The following CNTNAP2 variants were observed in gnomAD, a reference collection of about 807,000 sequenced individuals.
CNTNAP2 encodes the protein contactin associated protein 2, also known as contactin-associated protein-like 2.
A neutral mutation model predicts 155.2 loss-of-function variants in CNTNAP2; 98 were observed. The observed-to-expected ratio is 0.63, with a 90% CI of 0.54 to 0.75. CNTNAP2 has a LOEUF of 0.75. Among genes scored for constraint, CNTNAP2 ranks in the 30% least tolerant of loss-of-function variants. The pLI is 0.00. For synonymous variants in CNTNAP2, 651 were observed against 631.2 expected, an observed-to-expected ratio of 1.03 and a Z score of -0.47; for missense variants, 1,727 against 1,688.1, an observed-to-expected ratio of 1.02 and a Z score of -0.40.
chr7:147,296,146 G>C (rs1186980995), intron 8 of CNTNAP2, among the ~76,000 whole-genome samples: 1 of 152,122 alleles, frequency 6.6e-6, no homozygotes. Flanking sequence ...TGATTATTTA[G>C]GATTGGATTT....
chr7:146,423,629 A>G (rs1355056804), intron 1 of CNTNAP2, among the ~76,000 whole-genome samples: 2 of 152,226 alleles, frequency 1.3e-5, no homozygotes, highest in African/African-American at 2.4e-5. Context: ...TATGAGAGGA[A>G]TGTCCAGAAG....
chr7:146,445,359 T>C (rs1355236762), intron 1 of CNTNAP2, among the ~76,000 whole-genome samples: 4 of 152,184 alleles, frequency 2.6e-5, no homozygotes, highest in Non-Finnish European at 5.9e-5. Flanking sequence ...TCAAAATTCC[T>C]TTCAATGTCT....
At chr7:148,096,334 T>C (rs1380831780) in intron 15 of CNTNAP2, among the ~76,000 whole-genome samples, 3 of 151,338 alleles carry the variant, frequency 2.0e-5, no homozygotes, top group African/African-American at 7.3e-5. Context: ...GAAACATAGA[T>C]TAAGGCTGAG....
At chr7:146,207,341 C>G (rs1023293757) in intron 1 of CNTNAP2, among the ~76,000 whole-genome samples, 1 of 152,012 alleles carries the variant, frequency 6.6e-6, no homozygotes, top group Admixed American at 6.6e-5. Context: ...CAATTACTCT[C>G]TTGGAGACTT....
intron 1 of CNTNAP2, among the ~76,000 whole-genome samples, chr7:146,679,582 C>G (rs553745957): frequency 1.1e-4 from 16 of 152,130 alleles, no homozygotes; most frequent in Non-Finnish European, 1.8e-4. Flanking sequence ...GTCTCGAACG[C>G]CTGACCTCAT....
intron 1 of CNTNAP2, among the ~76,000 whole-genome samples, chr7:146,461,789 T>C (rs73462747): frequency 0.027 from 4,164 of 152,278 alleles, 138 homozygotes; most frequent in African/African-American, 0.074. Flanking sequence ...CTAGACAGCA[T>C]TAAAAGTCAC....
chr7:147,640,689 G>A (rs1388495960), intron 13 of CNTNAP2, among the ~76,000 whole-genome samples: 1 of 152,158 alleles, frequency 6.6e-6, no homozygotes, highest in Non-Finnish European at 1.5e-5. Flanking sequence ...AAACGACATG[G>A]ACATACGTGG....
chr7:147,674,190 C>CA (rs549687033), intron 13 of CNTNAP2, among the ~76,000 whole-genome samples: 51 of 152,216 alleles, frequency 3.4e-4, no homozygotes, highest in African/African-American at 1.2e-3. Context: ...CCGTTGTGGA[C>CA]AGACAATATA....
At chr7:148,059,603 A>AG (rs1803092816) in intron 15 of CNTNAP2, among the ~76,000 whole-genome samples, 1 of 150,656 alleles carries the variant, frequency 6.6e-6, no homozygotes, top group African/African-American at 2.4e-5. Flanking sequence ...AAAAAAAAAA[A>AG]AAAAGAAAGA....
intron 1 of CNTNAP2, among the ~76,000 whole-genome samples, chr7:146,392,790 A>G (rs1196085383): frequency 6.6e-6 from 1 of 150,792 alleles, no homozygotes; most frequent in East Asian, 2.0e-4. Context: ...AAGCGTTGAG[A>G]TGTGGGAAAG....
At chr7:147,902,279 T>C (rs1431252393) in intron 13 of CNTNAP2, among the ~76,000 whole-genome samples, 2 of 152,340 alleles carry the variant, frequency 1.3e-5, no homozygotes, top group East Asian at 1.9e-4. Context: ...ATTTCTACTA[T>C]TGACATAAAT....
intron 3 of CNTNAP2, among the ~76,000 whole-genome samples, chr7:146,900,889 C>T (rs866866099): frequency 2.6e-5 from 4 of 152,186 alleles, no homozygotes; most frequent in African/African-American, 9.7e-5. Context: ...ATTCCTGTCC[C>T]TAGTGGACAC....
intron 1 of CNTNAP2, among the ~76,000 whole-genome samples, chr7:146,211,411 A>G (rs1227387072): frequency 2.0e-5 from 3 of 152,204 alleles, no homozygotes; most frequent in Non-Finnish European, 4.4e-5. Flanking sequence ...TACCATTACC[A>G]AGCAAAAATA....
At chr7:146,125,796 G>A (rs1047439677) in intron 1 of CNTNAP2, among the ~76,000 whole-genome samples, 2 of 152,054 alleles carry the variant, frequency 1.3e-5, no homozygotes, top group African/African-American at 4.8e-5. Context: ...CTTGATCAAA[G>A]AAGATGTTTA....
intron 8 of CNTNAP2, among the ~76,000 whole-genome samples, chr7:147,244,764 C>A (rs1804019833): frequency 1.3e-5 from 2 of 152,100 alleles, no homozygotes; most frequent in Non-Finnish European, 2.9e-5. Flanking sequence ...CATGATCAGG[C>A]CAAGTAATCA....
Position 147,857,566 on chromosome 7 carries a change from G to T in CNTNAP2, c.2099-45999G>T, listed in dbSNP as rs529469535. Among the ~76,000 whole-genome samples the T allele has an allele frequency of 5.9e-5, 9 of 152,312 alleles. 1 individual carries two copies. The South Asian group carries it at 1.9e-3, about 32-fold the overall frequency. ...AAAACTAAATTGTTGAGTTGGTTTT[G>T]TAATGTCAGGATTTTCAAGACAACA... is the stretch of plus-strand genomic sequence containing the variant. On this transcript the variant is annotated intron_variant, in intron 13 of 23. Coordinates refer to ENST00000361727, the MANE Select transcript of CNTNAP2 (RefSeq NM_014141.6).
At chr7:147,119,146 A>G (rs753187793) in intron 5 of CNTNAP2, among the ~76,000 whole-genome samples, 2 of 152,128 alleles carry the variant, frequency 1.3e-5, no homozygotes, top group African/African-American at 2.4e-5. Flanking sequence ...ACACGTGTGC[A>G]CACACACACA....
intron 13 of CNTNAP2, among the ~76,000 whole-genome samples, chr7:147,883,726 G>T (rs999745574): frequency 6.6e-6 from 1 of 152,018 alleles, no homozygotes; most frequent in African/African-American, 2.4e-5. Flanking sequence ...CAAAATGTGC[G>T]CATGATTTTT....
chr7:147,777,185 A>G lies in CNTNAP2; in HGVS notation c.2099-126380A>G, dbSNP rs851682. Among the ~76,000 whole-genome samples the G allele has an allele frequency of 4.0e-3, 611 of 152,306 alleles. 2 individuals are homozygous for G. The highest frequency in any genetic ancestry group is 0.014 in the African/African-American group (586 of 41,570). On this transcript the variant is annotated intron_variant, in intron 13 of 23. Coordinates refer to ENST00000361727, the MANE Select transcript of CNTNAP2 (RefSeq NM_014141.6). Reference sequence around the variant, plus strand: ...TTGGGAATTTATGGAGGAGGAGAAGACAAAATTTACCTTCTTCAAGTCTAA... The same window carrying G: ...TTGGGAATTTATGGAGGAGGAGAAGGCAAAATTTACCTTCTTCAAGTCTAA...
Sources: allele counts gnomAD v4.1 joint callset (sites outside exome capture counted in the v4.1 genomes callset), GRCh38; gene constraint gnomAD v4.1.1; transcripts MANE v1.5; gene names NCBI Gene and HGNC (gene_info 2026-07-23, HGNC 2026-07-21).